PLXDC2: variants seen among roughly 807,000 people sequenced by gnomAD.
PLXDC2 encodes the protein plexin domain-containing protein 2.
PLXDC2 carries 40 observed loss-of-function variants against 68.9 expected under a neutral mutation model. The ratio of observed to expected loss-of-function variants is 0.58; its 90% CI spans 0.45 to 0.76. The LOEUF is 0.76. PLXDC2 is among the 30% of genes least tolerant of loss of function. The pLI is 0.00. For synonymous variants in PLXDC2, 243 were observed against 234.2 expected (o/e 1.04, Z -0.34); for missense variants, 644 against 661.9 (o/e 0.97, Z 0.30).
Position 20,162,042 on chromosome 10 carries a change from AAG to A in PLXDC2, c.784-2396_784-2395del, listed in dbSNP as rs139175193. ...TGTCAGAAAAAGAAAGAAAGAAAGAAAGAGAGAGAGAGAGAGAGAGAGAGAGA... is the reference window on the plus strand; with the variant it reads ...TGTCAGAAAAAGAAAGAAAGAAAGAAAGAGAGAGAGAGAGAGAGAGAGAGA... On this transcript the variant is annotated intron_variant, in intron 6 of 13. Coordinates refer to ENST00000377252, the MANE Select transcript of PLXDC2 (RefSeq NM_032812.9). 8.3e-3 allele frequency among the ~76,000 whole-genome samples: 604 copies of A among 72,390 alleles called. 17 individuals are homozygous for A. The highest frequency in any genetic ancestry group is 0.023 in the South Asian group (48 of 2,060). The allele number at this position is 72,390 out of a possible 152,430, so 47.5% of individuals were successfully genotyped here. A position where few individuals can be genotyped will look rare whatever the true frequency, so the allele number is the denominator to read the frequency against.
chr10:19,852,803 C>CT (rs1837147314), intron 1 of PLXDC2, among the ~76,000 whole-genome samples: 1 of 152,124 alleles, frequency 6.6e-6, no homozygotes, highest in South Asian at 2.1e-4. Context: ...CAAGACGCTT[C>CT]TGAGGTGAGA....
At chr10:19,951,892 G>A (rs1330818705) in intron 1 of PLXDC2, among the ~76,000 whole-genome samples, 1 of 152,104 alleles carries the variant, frequency 6.6e-6, no homozygotes, top group Non-Finnish European at 1.5e-5. Context: ...AGTGAATACA[G>A]GAACAGATAA....
chr10:19,893,066 A>G (rs940276777), intron 1 of PLXDC2, among the ~76,000 whole-genome samples: 1 of 152,132 alleles, frequency 6.6e-6, no homozygotes, highest in Non-Finnish European at 1.5e-5. Context: ...CCTTCATCAA[A>G]GAAGGGTAAT....
At chr10:20,266,558 T>G (rs1299408888) in intron 13 of PLXDC2, among the ~76,000 whole-genome samples, 1 of 152,114 alleles carries the variant, frequency 6.6e-6, no homozygotes, top group Non-Finnish European at 1.5e-5. Context: ...AACTGAAAAT[T>G]TAGTATATGT....
chr10:19,907,330 A>G (rs1467945328), intron 1 of PLXDC2, among the ~76,000 whole-genome samples: 1 of 152,184 alleles, frequency 6.6e-6, no homozygotes, highest in Non-Finnish European at 1.5e-5. Flanking sequence ...AACATTGACT[A>G]TTCTGTTGTT....
chr10:20,042,411 G>A (rs904591273), intron 2 of PLXDC2, among the ~76,000 whole-genome samples: 5 of 152,100 alleles, frequency 3.3e-5, no homozygotes, highest in African/African-American at 1.2e-4. Flanking sequence ...TATTTGTTAA[G>A]ACTTGGCAAG....
At chr10:19,939,739 G>A (rs931920624) in intron 1 of PLXDC2, among the ~76,000 whole-genome samples, 10 of 152,274 alleles carry the variant, frequency 6.6e-5, no homozygotes, top group Non-Finnish European at 1.5e-4. Context: ...ATATAATGAT[G>A]TGTGGAAAGG....
chr10:19,852,411 G>A (rs1209445608), intron 1 of PLXDC2, among the ~76,000 whole-genome samples: 2 of 100,928 alleles, frequency 2.0e-5, no homozygotes, highest in East Asian at 6.3e-4. Context: ...GGGTGACAGA[G>A]CAAGACCCTG....
At chr10:19,916,517 C>T (rs1297196400) in intron 1 of PLXDC2, among the ~76,000 whole-genome samples, 1 of 151,852 alleles carries the variant, frequency 6.6e-6, no homozygotes, top group Non-Finnish European at 1.5e-5. Flanking sequence ...CTCAAAAATA[C>T]TCAAATAAAA....
intron 13 of PLXDC2, among the ~76,000 whole-genome samples, chr10:20,255,781 T>A (rs539238666): frequency 6.6e-6 from 1 of 152,068 alleles, no homozygotes; most frequent in African/African-American, 2.4e-5. Flanking sequence ...TTATAAATGA[T>A]GGTAGTAATC....
At chr10:19,981,517 A>T (rs533516899) in intron 1 of PLXDC2, among the ~76,000 whole-genome samples, 3 of 152,328 alleles carry the variant, frequency 2.0e-5, no homozygotes, top group Non-Finnish European at 4.4e-5. Context: ...GATGCAGCAG[A>T]ATCTTAGCAG....
At chr10:20,036,598 G>C (rs1198360293) in intron 2 of PLXDC2, among the ~76,000 whole-genome samples, 3 of 151,960 alleles carry the variant, frequency 2.0e-5, no homozygotes, top group African/African-American at 4.8e-5. Context: ...TTAATTATTA[G>C]AACATTTTAA....
At chr10:20,140,605 G>C (rs1166928657) in intron 4 of PLXDC2, among the ~76,000 whole-genome samples, 1 of 151,988 alleles carries the variant, frequency 6.6e-6, no homozygotes, top group Admixed American at 6.5e-5. Context: ...CTGAAAGCTT[G>C]TAAGGTTTCT....
intron 1 of PLXDC2, among the ~76,000 whole-genome samples, chr10:19,867,209 G>A (rs1052146173): frequency 6.6e-6 from 1 of 151,780 alleles, no homozygotes; most frequent in African/African-American, 2.4e-5. Context: ...GGGATTATAG[G>A]TATCCACCAC....
At chr10:20,140,536 G>C (rs1246056939) in intron 4 of PLXDC2, among the ~76,000 whole-genome samples, 1 of 151,742 alleles carries the variant, frequency 6.6e-6, no homozygotes, top group African/African-American at 2.4e-5. Context: ...TTAAAGCTTT[G>C]GAGTTTTGTT....
chr10:20,030,074 G>A (rs1835474001), intron 2 of PLXDC2, among the ~76,000 whole-genome samples: 1 of 152,112 alleles, frequency 6.6e-6, no homozygotes, highest in South Asian at 2.1e-4. Context: ...GAAAAAAAAT[G>A]GATGCTACTT....
chr10:20,010,066 T>C (rs1835086517), intron 2 of PLXDC2, among the ~76,000 whole-genome samples: 1 of 152,156 alleles, frequency 6.6e-6, no homozygotes, highest in African/African-American at 2.4e-5. Context: ...TTAATCAATA[T>C]TGCTGAAATT....
chr10:20,217,596 C>CTTTTTTTTTTTTTTTTTTT lies in PLXDC2; in HGVS notation c.1273+30_1273+48dup. Reference sequence around the variant, plus strand: ...CAGAAGGTACCCAAGAGATAGTTTGCTTTTTTTTTTTTTTTTTTTTTTTTT... The same window carrying CTTTTTTTTTTTTTTTTTTT: ...CAGAAGGTACCCAAGAGATAGTTTGCTTTTTTTTTTTTTTTTTTTTTTTTTTTTTTTTTTTTTTTTTTTT... On this transcript the variant is annotated intron_variant, in intron 11 of 13. Transcript: ENST00000377252. The CTTTTTTTTTTTTTTTTTTT allele has an allele frequency of 1.3e-6, 1 of 783,780 alleles. No individual in the cohort carries two copies. Among genetic ancestry groups the CTTTTTTTTTTTTTTTTTTT allele is most frequent in the Non-Finnish European group, 1.5e-6 (1 of 647,416 alleles). 48.6% of individuals were successfully genotyped at this position (783,780 alleles called of 1,614,324 possible).
intron 4 of PLXDC2, among the ~76,000 whole-genome samples, chr10:20,118,224 G>A (rs376039487): frequency 5.3e-5 from 8 of 151,732 alleles, no homozygotes; most frequent in African/African-American, 1.7e-4. Flanking sequence ...TTTTCTTTCA[G>A]TTTGCAGTGT....
Sources: allele counts gnomAD v4.1 joint callset (sites outside exome capture counted in the v4.1 genomes callset), GRCh38; gene constraint gnomAD v4.1.1; transcripts MANE v1.5; gene names NCBI Gene and HGNC (gene_info 2026-07-23, HGNC 2026-07-21).